Variants in MAGI1 observed in about 807,000 individuals in gnomAD.
MAGI1 encodes membrane associated guanylate kinase, WW and PDZ domain containing 1.
A neutral mutation model predicts 139.9 loss-of-function variants in MAGI1; 58 were observed. That is an observed-to-expected ratio of 0.41 (90% confidence interval 0.34 to 0.52). The LOEUF is 0.52. MAGI1 is among the 20% of genes least tolerant of loss of function. MAGI1 has a pLI of 0.12. For synonymous variants in MAGI1, 812 were observed against 737.9 expected, an observed-to-expected ratio of 1.10 and a Z score of -1.63; for missense variants, 1,874 against 1,901.6, an observed-to-expected ratio of 0.99 and a Z score of 0.27.
intron 2 of MAGI1, among the ~76,000 whole-genome samples, chr3:65,573,322 T>C (rs2081040063): frequency 6.6e-6 from 1 of 152,036 alleles, no homozygotes; most frequent in Non-Finnish European, 1.5e-5. Flanking sequence ...TAACCAATCA[T>C]ATTCAACAAT....
At chr3:65,478,947 G>C in intron 3 of MAGI1, 149 bp from the exon 4 acceptor site, 4 of 644,660 alleles carry the variant, frequency 6.2e-6, no homozygotes, top group South Asian at 3.9e-5. Context: ...GAGTGGGTTA[G>C]AAGAGATATC....
chr3:65,701,441 C>T (rs917594606), intron 1 of MAGI1, among the ~76,000 whole-genome samples: 24 of 152,182 alleles, frequency 1.6e-4, no homozygotes, highest in African/African-American at 5.3e-4. Flanking sequence ...TTAGTAGAGA[C>T]GGGGTTTCGC....
intron 7 of MAGI1, among the ~76,000 whole-genome samples, chr3:65,444,373 C>T (rs565643888): frequency 3.3e-5 from 5 of 151,782 alleles, no homozygotes; most frequent in Admixed American, 6.6e-5. Flanking sequence ...GTTGGGAAAT[C>T]GAAGATTAAA....
At chr3:65,957,516 A>G (rs1220852539) in intron 1 of MAGI1, among the ~76,000 whole-genome samples, 3 of 94,292 alleles carry the variant, frequency 3.2e-5, no homozygotes, top group African/African-American at 1.5e-4. Flanking sequence ...GCAAGACTTC[A>G]TCTCAAAAAA....
chr3:65,548,509 CTCTTTT>C (rs2079616635), intron 2 of MAGI1, among the ~76,000 whole-genome samples: 2 of 117,404 alleles, frequency 1.7e-5, no homozygotes, highest in East Asian at 2.6e-4. Flanking sequence ...GCAAACAACA[CTCTTTT>C]TTTTTTTTTT....
intron 5 of MAGI1, chr3:65,470,038 C>A: frequency 4.4e-6 from 1 of 226,880 alleles, no homozygotes; most frequent in Non-Finnish European, 8.5e-6. Flanking sequence ...TTTCTATATA[C>A]CATAATTTAG....
intron 1 of MAGI1, among the ~76,000 whole-genome samples, chr3:65,699,970 G>A (rs983022229): frequency 5.3e-5 from 8 of 151,394 alleles, no homozygotes; most frequent in Non-Finnish European, 1.2e-4. Context: ...CTGAAGGTAG[G>A]GCCCCAGAAA....
intron 2 of MAGI1, among the ~76,000 whole-genome samples, chr3:65,616,828 C>A (rs1010717054): frequency 6.6e-6 from 1 of 152,208 alleles, no homozygotes; most frequent in Admixed American, 6.5e-5. Context: ...TATTTTCCAA[C>A]ATCCAGTTCT....
At chr3:65,598,995 T>C (rs763542191) in intron 2 of MAGI1, among the ~76,000 whole-genome samples, 9 of 152,214 alleles carry the variant, frequency 5.9e-5, no homozygotes, top group Non-Finnish European at 1.2e-4. Context: ...AAGGACGCTA[T>C]CCACTGCCTT....
chr3:65,737,152 C>T (rs192965466), intron 1 of MAGI1, among the ~76,000 whole-genome samples: 1 of 152,196 alleles, frequency 6.6e-6, no homozygotes, highest in East Asian at 1.9e-4. Flanking sequence ...CTACAGGCAC[C>T]GCCACCACGC....
At chr3:65,389,443 G>A (rs977346384) in intron 14 of MAGI1, among the ~76,000 whole-genome samples, 1 of 152,092 alleles carries the variant, frequency 6.6e-6, no homozygotes, top group Non-Finnish European at 1.5e-5. Context: ...AATCATAAAT[G>A]TGTACTGTAT....
chr3:65,810,493 C>T (rs1289622357), intron 1 of MAGI1, among the ~76,000 whole-genome samples: 3 of 152,220 alleles, frequency 2.0e-5, no homozygotes, highest in African/African-American at 7.2e-5. Context: ...GAAACTGCTC[C>T]AGACAAGAAA....
chr3:65,375,033 C>T (rs1487014180), intron 18 of MAGI1, among the ~76,000 whole-genome samples: 2 of 152,120 alleles, frequency 1.3e-5, no homozygotes, highest in East Asian at 1.9e-4. Context: ...TCTGAATTGC[C>T]ACCATGCAGG....
chr3:65,943,262 C>T (rs1308447699), intron 1 of MAGI1, among the ~76,000 whole-genome samples: 3 of 152,074 alleles, frequency 2.0e-5, no homozygotes, highest in Non-Finnish European at 4.4e-5. Context: ...TGAACCTTCA[C>T]TCATGCCCTA....
At chr3:65,831,789 G>A (rs1283695016) in intron 1 of MAGI1, among the ~76,000 whole-genome samples, 2 of 152,148 alleles carry the variant, frequency 1.3e-5, no homozygotes, top group Non-Finnish European at 2.9e-5. Context: ...AAATACATTT[G>A]CTTTAAAGAG....
At chr3:65,435,370 G>A (rs1355384057) in intron 10 of MAGI1, among the ~76,000 whole-genome samples, 1 of 152,140 alleles carries the variant, frequency 6.6e-6, no homozygotes, top group African/African-American at 2.4e-5. Flanking sequence ...GGTGCACTAA[G>A]CATTTGGCAC....
intron 1 of MAGI1, among the ~76,000 whole-genome samples, chr3:65,624,981 T>C (rs914239618): frequency 6.6e-6 from 1 of 152,142 alleles, no homozygotes; most frequent in African/African-American, 2.4e-5. Context: ...CAAGCGATTT[T>C]CATGCCTCAG....
At chr3:66,006,205 G>C (rs2067004164) in intron 1 of MAGI1, among the ~76,000 whole-genome samples, 1 of 152,216 alleles carries the variant, frequency 6.6e-6, no homozygotes, top group African/African-American at 2.4e-5. Flanking sequence ...CCAGCAACCA[G>C]TATGGAAGCA....
chr3:65,883,732 A>C (rs769992759), intron 1 of MAGI1, among the ~76,000 whole-genome samples: 2 of 152,200 alleles, frequency 1.3e-5, no homozygotes, highest in Non-Finnish European at 2.9e-5. Flanking sequence ...CCCTCTCCTC[A>C]GTCTGATTTT....
Sources: allele counts gnomAD v4.1 joint callset (sites outside exome capture counted in the v4.1 genomes callset), GRCh38; gene constraint gnomAD v4.1.1; transcripts MANE v1.5; gene names NCBI Gene and HGNC (gene_info 2026-07-23, HGNC 2026-07-21).